Variants in TBC1D8B observed in about 807,000 individuals in gnomAD.
TBC1D8B encodes the protein TBC1 domain family member 8B.
A neutral mutation model predicts 82.9 loss-of-function variants in TBC1D8B; 75 were observed. That is an observed-to-expected ratio of 0.90 (90% confidence interval 0.75 to 1.10). The LOEUF is 1.10. Among genes scored for constraint, TBC1D8B ranks in the 50% least tolerant of loss-of-function variants. TBC1D8B has a pLI of 0.00. For synonymous variants in TBC1D8B, 276 were observed against 276.8 expected, an observed-to-expected ratio of 1.00 and a Z score of 0.03; for missense variants, 794 against 796.9, an observed-to-expected ratio of 1.00 and a Z score of 0.04.
chrX:106,805,425 A>G (rs1409054398), intron 1 of TBC1D8B, among the ~76,000 whole-genome samples: 1 of 110,515 alleles, frequency 9.0e-6, no homozygotes, highest in African/African-American at 3.3e-5. Flanking sequence ...GACCAACTGC[A>G]CTAGTTTACC....
intron 14 of TBC1D8B, 39 bp from the exon 15 acceptor site, chrX:106,865,520 T>A: frequency 9.0e-7 from 1 of 1,106,696 alleles, no homozygotes; most frequent in Non-Finnish European, 1.2e-6. Flanking sequence ...ACTGCAATGT[T>A]AAAATCTGTG....
chrX:106,876,011 G>C lies in TBC1D8B; in HGVS notation c.*2046G>C. On this transcript the variant is annotated 3_prime_UTR_variant, in exon 21 of 21. Coordinates refer to ENST00000357242, the MANE Select transcript of TBC1D8B (RefSeq NM_017752.3). Reference sequence around the variant, plus strand: ...TAGCTGCTATCTTGTTAACCAAACAGGTTGTTCATAATATTAAAAATCTTA... The same window carrying C: ...TAGCTGCTATCTTGTTAACCAAACACGTTGTTCATAATATTAAAAATCTTA... The C allele has an allele frequency of 9.0e-6, 1 of 111,540 alleles. No homozygotes were observed. The highest frequency in any genetic ancestry group is 1.9e-5 in the Non-Finnish European group (1 of 53,026). 9.2% of individuals were successfully genotyped at this position (111,540 alleles called of 1,213,427 possible).
At chrX:106,860,156 T>C (rs1398454523) in intron 14 of TBC1D8B, among the ~76,000 whole-genome samples, 1 of 111,304 alleles carries the variant, frequency 9.0e-6, no homozygotes, top group Non-Finnish European at 1.9e-5. Context: ...AGTTTTCTCT[T>C]TTTTTTGTTG....
chrX:106,825,666 G>C (rs1458004520), intron 5 of TBC1D8B, among the ~76,000 whole-genome samples: 3 of 111,025 alleles, frequency 2.7e-5, no homozygotes, highest in Non-Finnish European at 5.7e-5. Context: ...CTGGTAACCA[G>C]ATAGGAACAT....
At chrX:106,843,317 G>A (rs1347540096) in intron 10 of TBC1D8B, among the ~76,000 whole-genome samples, 3 of 111,802 alleles carry the variant, frequency 2.7e-5, no homozygotes, top group Admixed American at 9.5e-5. Flanking sequence ...AGCAATGTAT[G>A]AGGGTTCTAT....
intron 1 of TBC1D8B, 50 bp from the exon 2 acceptor site, chrX:106,818,613 G>T: frequency 2.1e-6 from 2 of 948,737 alleles, no homozygotes; most frequent in African/African-American, 3.9e-5. Flanking sequence ...ATACAGATTT[G>T]ATTTATCTCT....
At chrX:106,844,115 A>G in intron 10 of TBC1D8B, among the ~76,000 whole-genome samples, 1 of 110,905 alleles carries the variant, frequency 9.0e-6, no homozygotes, top group East Asian at 2.8e-4. Context: ...TTGTGGATTA[A>G]TTAGGATTTT....
rs772399595 is a variant in TBC1D8B, at chrX:106,873,133, T to C, written c.2968-437T>C. On this transcript the variant is annotated intron_variant, in intron 20 of 20. Transcript: ENST00000357242. Reference sequence around the variant, plus strand: ...TTTTTTTAAGATGGAGTTTCTCTCTTGTTGCCCAGGCTGGAGTGCAATGGC... The same window carrying C: ...TTTTTTTAAGATGGAGTTTCTCTCTCGTTGCCCAGGCTGGAGTGCAATGGC... 1.0e-3 allele frequency among the ~76,000 whole-genome samples: 114 copies of C among 111,896 alleles called. 2 individuals carry two copies. Among genetic ancestry groups the C allele is most frequent in the Admixed American group, 2.0e-3 (21 of 10,607 alleles).
chrX:106,809,970 A>G (rs1931319146), intron 1 of TBC1D8B, among the ~76,000 whole-genome samples: 1 of 111,556 alleles, frequency 9.0e-6, no homozygotes, highest in Non-Finnish European at 1.9e-5. Context: ...ATAAATAAGT[A>G]AGCAAACCAA....
At chrX:106,851,960 T>A (rs1344253368) in intron 12 of TBC1D8B, among the ~76,000 whole-genome samples, 1 of 110,057 alleles carries the variant, frequency 9.1e-6, no homozygotes, top group Admixed American at 9.7e-5. Flanking sequence ...AAATGGTATT[T>A]CTAGTTCTAG....
chrX:106,836,507 A>G (rs1168982021), intron 7 of TBC1D8B, among the ~76,000 whole-genome samples: 1 of 111,259 alleles, frequency 9.0e-6, no homozygotes, highest in Non-Finnish European at 1.9e-5. Flanking sequence ...TGCCTCAGTC[A>G]TGGGCATTCT....
At position 106,875,621 on chromosome X, in the gene TBC1D8B, T is replaced by C. The variant is rs1932882676; in HGVS notation, c.*1656T>C. The stretch of plus-strand genomic sequence containing the variant: ...TGAACTATGTCCATATTTTACAGCT[T>C]AGATAATAGTTTATATGGAAACTAT... On this transcript the variant is annotated 3_prime_UTR_variant, in exon 21 of 21. Transcript: ENST00000357242. The C allele has an allele frequency of 8.9e-6, 1 of 112,029 alleles. No individual in the cohort carries two copies. Among genetic ancestry groups the C allele is most frequent in the Non-Finnish European group, 1.9e-5 (1 of 53,236 alleles). The allele number at this position is 112,029 out of a possible 1,213,427, so 9.2% of individuals were successfully genotyped here.
At chrX:106,817,514 A>G (rs926911896) in intron 1 of TBC1D8B, among the ~76,000 whole-genome samples, 11 of 111,729 alleles carry the variant, frequency 9.8e-5, no homozygotes, top group Non-Finnish European at 1.9e-5. Context: ...AATTATTTAA[A>G]ATATTGTATA....
chrX:106,820,927 A>G lies in TBC1D8B; in HGVS notation c.292A>G (p.Ile98Val), dbSNP rs769892432. 8.4e-7 allele frequency: 1 copy of G among 1,191,963 alleles called. No individual in the cohort carries two copies. The highest frequency in any genetic ancestry group is 1.9e-5 in the South Asian group (1 of 52,356). The stretch of plus-strand genomic sequence containing the variant: ...GCATTGGGATTGGTTGGAACAAAAT[A>G]TTATGAAGACCTTATCTGTATTTGA... Reference protein sequence around the residue: ...TKHWDWLEQNIMKTLSVFDSN... With the variant: ...TKHWDWLEQNVMKTLSVFDSN... Residue 98 changes from isoleucine (I) to valine (V), a missense_variant, in exon 3 of 21, where the codon ATT becomes GTT. Transcript: ENST00000357242.
At chrX:106,830,544 C>G (rs1343056000) in intron 7 of TBC1D8B, among the ~76,000 whole-genome samples, 2 of 110,699 alleles carry the variant, frequency 1.8e-5, no homozygotes, top group African/African-American at 6.6e-5. Flanking sequence ...TGGAACCAAG[C>G]CAAATGTCCA....
At chrX:106,817,789 G>A (rs1931584420) in intron 1 of TBC1D8B, among the ~76,000 whole-genome samples, 1 of 111,205 alleles carries the variant, frequency 9.0e-6, no homozygotes. Context: ...TAGGGGAAGT[G>A]GGTCTTGAAG....
At chrX:106,809,354 A>G (rs1209721719) in intron 1 of TBC1D8B, among the ~76,000 whole-genome samples, 1 of 111,533 alleles carries the variant, frequency 9.0e-6, no homozygotes, top group Non-Finnish European at 1.9e-5. Flanking sequence ...AAAGTAAGGT[A>G]TCATGATAGA....
In TBC1D8B at chrX:106,829,056, C is replaced by T. The variant is rs770970885; in HGVS notation, c.1203+1719C>T. 133 of 106,725 alleles carry T rather than the reference C, an allele frequency of 1.2e-3. 1 individual carries two copies. Among genetic ancestry groups the T allele is most frequent in the African/African-American group, 4.5e-3 (122 of 26,831 alleles). 8.8% of individuals were successfully genotyped at this position (106,725 alleles called of 1,213,427 possible). On this transcript the variant is annotated intron_variant, in intron 7 of 20. Coordinates refer to ENST00000357242, the MANE Select transcript of TBC1D8B (RefSeq NM_017752.3). ...TATCTAGAAAACCCCATAGTCTCAG[C>T]CCAAAATCTCCTTAAGCTGATAAGC...
chrX:106,851,251 G>A (rs1224555093), intron 12 of TBC1D8B, among the ~76,000 whole-genome samples: 2 of 111,843 alleles, frequency 1.8e-5, no homozygotes, highest in East Asian at 2.8e-4. Context: ...TTAGCCAGGC[G>A]TGGTGGTGAA....
Sources: allele counts gnomAD v4.1 joint callset (sites outside exome capture counted in the v4.1 genomes callset), GRCh38; gene constraint gnomAD v4.1.1; transcripts MANE v1.5; gene names NCBI Gene and HGNC (gene_info 2026-07-23, HGNC 2026-07-21).